Variants in CASZ1 observed in about 807,000 individuals in gnomAD.
CASZ1 encodes the protein castor zinc finger 1.
A neutral mutation model predicts 135.2 loss-of-function variants in CASZ1; 28 were observed. The observed-to-expected ratio is 0.21, with a 90% CI of 0.15 to 0.28. The LOEUF is 0.28. CASZ1 is among the 10% of genes least tolerant of loss of function. The probability of loss-of-function intolerance (pLI) is 1.00; values close to 1 mark genes in which losing one functional copy is unlikely to be tolerated. For synonymous variants in CASZ1, 1,068 were observed against 1,073.4 expected (o/e 0.99, Z 0.10); for missense variants, 2,161 against 2,453.3 (o/e 0.88, Z 2.52).
At position 10,637,149 on chromosome 1, in the gene CASZ1, C is replaced by T. The variant is rs1642019453; in HGVS notation, c.*1793G>A. On this transcript the variant is annotated 3_prime_UTR_variant, in exon 21 of 21. Coordinates refer to ENST00000377022, the MANE Select transcript of CASZ1 (RefSeq NM_001079843.3). Reference sequence around the variant, plus strand: ...TTTTTTTTTAAGTTTGATTTTGCTACATTGAAAAAATGTTTGTGTGTGTGT... The same window carrying T: ...TTTTTTTTTAAGTTTGATTTTGCTATATTGAAAAAATGTTTGTGTGTGTGT... 1 of 151,610 alleles carries T rather than the reference C, an allele frequency of 6.6e-6. No homozygotes were observed. The highest frequency in any genetic ancestry group is 1.5e-5 in the Non-Finnish European group (1 of 67,858). 9.4% of individuals were successfully genotyped at this position (151,610 alleles called of 1,614,324 possible).
intron 2 of CASZ1, among the ~76,000 whole-genome samples, chr1:10,736,658 C>T (rs373797541): frequency 6.6e-5 from 10 of 152,248 alleles, no homozygotes; most frequent in African/African-American, 2.4e-4. Flanking sequence ...TCATTCATCA[C>T]CTACGAGGCC....
chr1:10,665,365 G>C lies in CASZ1; in HGVS notation c.223C>G (p.Arg75Gly), dbSNP rs750816884. ...TTGTCTTCCTCGCTGCGGGGGGCCCGGGCTGCCCCAGACTCAGGGCCACTG... is the reference window on the plus strand; with the variant it reads ...TTGTCTTCCTCGCTGCGGGGGGCCCCGGCTGCCCCAGACTCAGGGCCACTG... ...ERSGPESGAA[R>G]APRSEEDKRR... Residue 75 changes from arginine to glycine, a missense_variant, in exon 5 of 21, where the codon CGG becomes GGG. By Grantham distance (125) the Arg-to-Gly change is moderately radical (BLOSUM62 -2). Coordinates refer to ENST00000377022, the MANE Select transcript of CASZ1 (RefSeq NM_001079843.3). 4 of 1,611,478 alleles carry C rather than the reference G, an allele frequency of 2.5e-6. No individual in the cohort carries two copies. The South Asian group carries it at 4.4e-5, about 18-fold the overall frequency.
At chr1:10,659,330 C>T (rs1642915259) in intron 6 of CASZ1, among the ~76,000 whole-genome samples, 1 of 85,436 alleles carries the variant, frequency 1.2e-5, no homozygotes, top group Non-Finnish European at 2.2e-5. Context: ...GGTGTGCTGT[C>T]ATGGGCAGTC....
Position 10,777,992 on chromosome 1 carries a change from TAC to T in CASZ1, c.-233-17137_-233-17136del, listed in dbSNP as rs906643338. On this transcript the variant is annotated intron_variant, in intron 1 of 20. Transcript: ENST00000377022. The surrounding 1 kb of genome is among the most constrained non-coding windows in gnomAD (Gnocchi z 4.4). The stretch of plus-strand genomic sequence containing the variant: ...ATACGCAATCGCATACACAATCTCA[TAC>T]AGTCTCATATACACTCACTCATACA... 4.0e-5 allele frequency among the ~76,000 whole-genome samples: 6 copies of T among 150,342 alleles called. No individual in the cohort carries two copies. The highest frequency in any genetic ancestry group is 5.9e-5 in the Non-Finnish European group (4 of 67,590).
chr1:10,758,000 C>T lies in CASZ1; in HGVS notation c.-77+2701G>A, dbSNP rs1640291431. ...CACTGGATGCACTGAGGGCATCCTA[C>T]CTTAGGGCCATTAGGCTAGCTGTTC... On this transcript the variant is annotated intron_variant, in intron 2 of 20. Transcript: ENST00000377022. The surrounding 1 kb of genome is among the most constrained non-coding windows in gnomAD (Gnocchi z 4.6). Among the ~76,000 whole-genome samples the T allele has an allele frequency of 6.6e-6, 1 of 152,188 alleles. No individual in the cohort carries two copies. Among genetic ancestry groups the T allele is most frequent in the Admixed American group, 6.5e-5 (1 of 15,278 alleles).
chr1:10,687,608 C>G (rs547022057), intron 4 of CASZ1, among the ~76,000 whole-genome samples: 73 of 152,172 alleles, frequency 4.8e-4, no homozygotes, highest in Non-Finnish European at 9.3e-4. Context: ...ATCCCGGAAG[C>G]GGGGAAGAGA....
At chr1:10,722,969 G>T (rs1639529000) in intron 2 of CASZ1, among the ~76,000 whole-genome samples, 1 of 152,270 alleles carries the variant, frequency 6.6e-6, no homozygotes, top group Non-Finnish European at 1.5e-5. Context: ...GCGGGAAGGA[G>T]GTGAGCCGGG....
At chr1:10,658,996 C>T (rs1198260281) in intron 6 of CASZ1, among the ~76,000 whole-genome samples, 1 of 152,156 alleles carries the variant, frequency 6.6e-6, no homozygotes, top group Non-Finnish European at 1.5e-5. Flanking sequence ...TGCTCCAAGG[C>T]ATGCAGCCCC....
rs1413443352 is a variant in CASZ1 at position 10,637,950 on chromosome 1, G to C, written c.*992C>G. ...CTCTACAAAATTCAAGTTAAGAGTT[G>C]GAATCACGCAGCTCCCATCAGTGCT... On this transcript the variant is annotated 3_prime_UTR_variant, in exon 21 of 21. Transcript: ENST00000377022. 1 of 152,316 alleles carries C rather than the reference G, an allele frequency of 6.6e-6. No individual in the cohort carries two copies. The highest frequency in any genetic ancestry group is 1.5e-5 in the Non-Finnish European group (1 of 68,028). The allele number at this position is 152,316 out of a possible 1,614,324, so 9.4% of individuals were successfully genotyped here.
At chr1:10,754,088 C>T (rs1047280074) in intron 2 of CASZ1, among the ~76,000 whole-genome samples, 8 of 152,142 alleles carry the variant, frequency 5.3e-5, no homozygotes, top group South Asian at 2.1e-4. Flanking sequence ...CTACAGATAT[C>T]GATTAGGTTG....
At chr1:10,641,755 C>G (rs1429678115) in intron 20 of CASZ1, among the ~76,000 whole-genome samples, 1 of 152,248 alleles carries the variant, frequency 6.6e-6, no homozygotes, top group Non-Finnish European at 1.5e-5. Flanking sequence ...CCGGCAGGAT[C>G]AGCCATCTCT....
chr1:10,648,792 G>T, intron 15 of CASZ1: 1 of 469,830 alleles, frequency 2.1e-6, no homozygotes. Context: ...CAGGGAGCAC[G>T]TGCTGGGACT....
intron 2 of CASZ1, among the ~76,000 whole-genome samples, chr1:10,746,701 C>T (rs1640048057): frequency 6.6e-6 from 1 of 152,238 alleles, no homozygotes; most frequent in Non-Finnish European, 1.5e-5. Flanking sequence ...CAGCCCATGT[C>T]TGGCCTCATG....
intron 3 of CASZ1, among the ~76,000 whole-genome samples, chr1:10,704,957 C>G (rs1026401917): frequency 3.9e-5 from 6 of 152,264 alleles, no homozygotes. Flanking sequence ...GGCAGCCTGT[C>G]CTGGCCTCGG....
intron 4 of CASZ1, among the ~76,000 whole-genome samples, chr1:10,689,255 C>T (rs1276332270): frequency 6.6e-6 from 1 of 152,242 alleles, no homozygotes; most frequent in South Asian, 2.1e-4. Flanking sequence ...CCCACCCAAT[C>T]CCCTGCTCAG....
At chr1:10,781,719 A>G (rs1246469903) in intron 1 of CASZ1, among the ~76,000 whole-genome samples, 1 of 152,154 alleles carries the variant, frequency 6.6e-6, no homozygotes, top group South Asian at 2.1e-4. Flanking sequence ...GAGTAGAGAC[A>G]GTACTAGTAG....
At chr1:10,746,652 C>T (rs2100545447) in intron 2 of CASZ1, among the ~76,000 whole-genome samples, 2 of 152,352 alleles carry the variant, frequency 1.3e-5, no homozygotes, top group African/African-American at 4.8e-5. Flanking sequence ...CAAGGGCCAG[C>T]CTGGACCCGG....
In CASZ1 at chr1:10,755,114, G is replaced by A. The variant is rs896252731; in HGVS notation, c.-77+5587C>T. Among the ~76,000 whole-genome samples the A allele has an allele frequency of 1.2e-4, 19 of 152,192 alleles. No homozygotes were observed. Among genetic ancestry groups the A allele is most frequent in the Non-Finnish European group, 2.5e-4 (17 of 68,018 alleles). On this transcript the variant is annotated intron_variant, in intron 2 of 20. Coordinates refer to ENST00000377022, the MANE Select transcript of CASZ1 (RefSeq NM_001079843.3). The surrounding 1 kb of genome is among the most constrained non-coding windows in gnomAD (Gnocchi z 4.3). ...CAGGCCTGAAGGGCAGAGAGCAAGC[G>A]GCAGTGGTGTGGGTGGGAACGTGGC...
rs530132114 is a variant in CASZ1, at chr1:10,687,208, A to G, written c.16+6666T>C. 3.3e-5 allele frequency among the ~76,000 whole-genome samples: 5 copies of G among 152,236 alleles called. No individual in the cohort carries two copies. In the South Asian group the frequency reaches 1.0e-3, roughly 32 times the overall value. ...TCCCAAGGCCCCCTTAGATCACTGA[A>G]AGAGCCCCATAAGAAAAGGCCAGGC... On this transcript the variant is annotated intron_variant, in intron 4 of 20. Coordinates refer to ENST00000377022, the MANE Select transcript of CASZ1 (RefSeq NM_001079843.3).
Sources: allele counts gnomAD v4.1 joint callset (sites outside exome capture counted in the v4.1 genomes callset), GRCh38; gene constraint gnomAD v4.1.1; non-coding constraint Gnocchi (gnomAD v3.1); transcripts MANE v1.5; gene names NCBI Gene and HGNC (gene_info 2026-07-23, HGNC 2026-07-21).